Variants in CEP128 observed in about 807,000 individuals in gnomAD.
CEP128 encodes the protein centrosomal protein 128.
In CEP128, 132 loss-of-function variants were observed where a neutral mutation model predicts 156.7. The ratio of observed to expected loss-of-function variants is 0.84; its 90% CI spans 0.73 to 0.97. The LOEUF (loss-of-function observed/expected upper bound fraction) is 0.97, where lower values mean the gene tolerates loss of function less well. Ranked by LOEUF, CEP128 falls within the 50% of genes least tolerant of loss-of-function variation. The pLI is 0.00. For missense variants in CEP128, 1,252 were observed against 1,281.9 expected (o/e 0.98, Z 0.36); for synonymous variants, 469 against 448.9 (o/e 1.04, Z -0.57).
intron 16 of CEP128, among the ~76,000 whole-genome samples, chr14:80,763,021 G>C (rs1900048784): frequency 6.6e-6 from 1 of 152,136 alleles, no homozygotes; most frequent in African/African-American, 2.4e-5. Flanking sequence ...ACTACCATAT[G>C]AATCAGAATG....
intron 20 of CEP128, among the ~76,000 whole-genome samples, chr14:80,561,890 G>A (rs934361569): frequency 1.2e-4 from 12 of 98,896 alleles, no homozygotes; most frequent in Middle Eastern, 5.3e-3. Context: ...GTTGAAATAC[G>A]AAGGTCTATA....
chr14:80,535,657 T>C (rs1413700570), intron 21 of CEP128, among the ~76,000 whole-genome samples: 2 of 152,202 alleles, frequency 1.3e-5, no homozygotes, highest in Non-Finnish European at 2.9e-5. Flanking sequence ...GTGTTTCTGT[T>C]GATTATAGGA....
chr14:80,766,906 T>C (rs904082893), intron 16 of CEP128, among the ~76,000 whole-genome samples: 1 of 152,146 alleles, frequency 6.6e-6, no homozygotes, highest in Non-Finnish European at 1.5e-5. Flanking sequence ...GCAAAGTTAC[T>C]GGAAATACAG....
At chr14:80,654,710 T>C (rs1354977254) in intron 19 of CEP128, among the ~76,000 whole-genome samples, 1 of 152,218 alleles carries the variant, frequency 6.6e-6, no homozygotes, top group Non-Finnish European at 1.5e-5. Context: ...TTCTCTTTTC[T>C]TGTTCAAACT....
At chr14:80,535,836 T>C (rs1048453787) in intron 21 of CEP128, among the ~76,000 whole-genome samples, 1 of 152,238 alleles carries the variant, frequency 6.6e-6, no homozygotes, top group African/African-American at 2.4e-5. Context: ...CACTGAATCT[T>C]GACCTCTTTA....
chr14:80,674,967 T>A lies in CEP128; in HGVS notation c.2806+68108A>T, dbSNP rs965209548. ...TCTATAGCACATTACTTGCATCTTG[T>A]TTAAAGTAAGGACCTGTTTCAAGGG... On this transcript the variant is annotated intron_variant, in intron 19 of 24. Coordinates refer to ENST00000555265, the MANE Select transcript of CEP128 (RefSeq NM_152446.5). Among the ~76,000 whole-genome samples the A allele has an allele frequency of 2.0e-5, 3 of 152,236 alleles. No individual in the cohort carries two copies. The East Asian group carries it at 5.8e-4, about 29-fold the overall frequency.
intron 8 of CEP128, chr14:80,894,604 A>T: frequency 2.1e-6 from 1 of 477,670 alleles, no homozygotes; most frequent in African/African-American, 2.0e-5. Flanking sequence ...CCACACATTA[A>T]TTGGAAAGAC....
At chr14:80,514,078 CT>C (rs1888380981) in intron 23 of CEP128, among the ~76,000 whole-genome samples, 1 of 152,212 alleles carries the variant, frequency 6.6e-6, no homozygotes, top group Non-Finnish European at 1.5e-5. Context: ...TATTTCCTTT[CT>C]ATTGATCCCA....
intron 19 of CEP128, among the ~76,000 whole-genome samples, chr14:80,626,993 C>T (rs373556564): frequency 6.6e-6 from 1 of 152,286 alleles, no homozygotes; most frequent in East Asian, 1.9e-4. Context: ...TCAGGATTTT[C>T]TCAGAGATTA....
chr14:80,822,548 G>C lies in CEP128; in HGVS notation c.1209+8595C>G, dbSNP rs61738570. The C allele has an allele frequency of 8.5e-4, 574 of 677,608 alleles. 5 individuals are homozygous for C. The African/African-American group carries it at 9.4e-3, about 11-fold the overall frequency. 42.0% of individuals were successfully genotyped at this position (677,608 alleles called of 1,614,324 possible). On this transcript the variant is annotated intron_variant, in intron 13 of 24. Transcript: ENST00000555265. ...CATGCCCAAGAGAAAGGCTGAAGGGGATGCTAAAGGAGATAAAGCCAAGGT... is the reference window on the plus strand; with the variant it reads ...CATGCCCAAGAGAAAGGCTGAAGGGCATGCTAAAGGAGATAAAGCCAAGGT...
At position 80,777,951 on chromosome 14, in the gene CEP128, G is replaced by T. The variant is rs543950478; in HGVS notation, c.2307C>A (p.Thr769=). The T allele has an allele frequency of 3.1e-6, 5 of 1,611,868 alleles. No homozygotes were observed. In the African/African-American group the frequency reaches 5.3e-5, roughly 17 times the overall value. Residue 769 remains threonine, a synonymous_variant, in exon 16 of 25, where the codon ACC becomes ACA. Coordinates refer to ENST00000555265, the MANE Select transcript of CEP128 (RefSeq NM_152446.5). ...GTTTTTTGTTCTCATTTTCATTCTG[G>T]GTTAATTCCTCTGTCAGTCTGTCAC... The part of the protein sequence containing the change: ...SQCDRLTEEL[T]QNENENKKLK...
chr14:80,582,096 C>T (rs190702677), intron 19 of CEP128, among the ~76,000 whole-genome samples: 1 of 152,308 alleles, frequency 6.6e-6, no homozygotes, highest in East Asian at 1.9e-4. Context: ...TAGGACTCTT[C>T]CCACTTCTGT....
At chr14:80,740,076 T>C (rs1898732128) in intron 19 of CEP128, among the ~76,000 whole-genome samples, 2 of 152,148 alleles carry the variant, frequency 1.3e-5, no homozygotes, top group African/African-American at 2.4e-5. Flanking sequence ...GGGGAAAAAC[T>C]ATGCTTTCTT....
At chr14:80,950,332 A>G (rs1382228593) in intron 2 of CEP128, among the ~76,000 whole-genome samples, 6 of 152,172 alleles carry the variant, frequency 3.9e-5, no homozygotes, top group Non-Finnish European at 7.4e-5. Flanking sequence ...TAAGCCATCA[A>G]GTTTGTGGTA....
intron 9 of CEP128, among the ~76,000 whole-genome samples, chr14:80,846,315 C>T (rs1220436384): frequency 3.3e-5 from 5 of 151,998 alleles, no homozygotes; most frequent in Admixed American, 2.6e-4. Flanking sequence ...CTTTACAAGA[C>T]GCTTACACAT....
At chr14:80,624,333 A>G (rs150353663) in intron 19 of CEP128, among the ~76,000 whole-genome samples, 4 of 152,180 alleles carry the variant, frequency 2.6e-5, no homozygotes, top group Admixed American at 2.6e-4. Context: ...CTGTTGATGG[A>G]CATTTAGGTT....
chr14:80,801,308 T>G (rs1034122812), intron 13 of CEP128, among the ~76,000 whole-genome samples: 1 of 152,164 alleles, frequency 6.6e-6, no homozygotes, highest in Admixed American at 6.5e-5. Flanking sequence ...CATCCTTGTC[T>G]TGTACCGGTT....
intron 13 of CEP128, among the ~76,000 whole-genome samples, chr14:80,808,330 C>T (rs1471796005): frequency 1.3e-5 from 2 of 152,204 alleles, no homozygotes; most frequent in Non-Finnish European, 2.9e-5. Context: ...CAGGATCCCT[C>T]CCCACCTCTG....
At chr14:80,724,205 A>G (rs78397921) in intron 19 of CEP128, among the ~76,000 whole-genome samples, 8,041 of 152,200 alleles carry the variant, frequency 0.053, 362 homozygotes, top group South Asian at 0.23. Context: ...ACTTTTGTTC[A>G]TTTGGTATTA....
Sources: allele counts gnomAD v4.1 joint callset (sites outside exome capture counted in the v4.1 genomes callset), GRCh38; gene constraint gnomAD v4.1.1; transcripts MANE v1.5; gene names NCBI Gene and HGNC (gene_info 2026-07-23, HGNC 2026-07-21).